CDH20: variants seen among roughly 807,000 people sequenced by gnomAD.
CDH20 encodes cadherin-20.
CDH20 carries 29 observed loss-of-function variants against 74.2 expected under a neutral mutation model. That is an observed-to-expected ratio of 0.39 (90% CI 0.29 to 0.53). The LOEUF (loss-of-function observed/expected upper bound fraction) is 0.53. Among genes scored for constraint, CDH20 ranks in the 20% least tolerant of loss-of-function variants. The pLI is 0.69. For missense variants in CDH20, 988 were observed against 1,048.3 expected (o/e 0.94, Z 0.79); for synonymous variants, 469 against 405.4 (o/e 1.16, Z -1.88).
intron 6 of CDH20, among the ~76,000 whole-genome samples, chr18:61,524,732 C>G (rs975836479): frequency 3.9e-5 from 6 of 152,100 alleles, no homozygotes; most frequent in African/African-American, 1.4e-4. Flanking sequence ...ACCAGCCTGG[C>G]CCACATGGTG....
At chr18:61,398,124 T>C (rs1192515751) in intron 1 of CDH20, among the ~76,000 whole-genome samples, 2 of 152,214 alleles carry the variant, frequency 1.3e-5, no homozygotes, top group African/African-American at 2.4e-5. Context: ...ATCCCTAGCC[T>C]GTGTAGCCAT....
intron 1 of CDH20, among the ~76,000 whole-genome samples, chr18:61,396,668 C>A (rs139923288): frequency 4.6e-4 from 70 of 152,320 alleles, no homozygotes; most frequent in African/African-American, 1.7e-3. Context: ...TGGAAGATAT[C>A]TCCACATGAA....
At chr18:61,502,182 G>C (rs777692053) in intron 4 of CDH20, among the ~76,000 whole-genome samples, 3 of 152,228 alleles carry the variant, frequency 2.0e-5, no homozygotes, top group Non-Finnish European at 2.9e-5. Flanking sequence ...AGGGTTAAAA[G>C]GGAGACAAAA....
intron 1 of CDH20, among the ~76,000 whole-genome samples, chr18:61,334,760 G>C (rs1050492849): frequency 7.9e-5 from 12 of 152,298 alleles, no homozygotes; most frequent in African/African-American, 2.9e-4. Flanking sequence ...CAGGCTGGAA[G>C]TGAGAGGGGA....
chr18:61,430,703 C>T (rs1913224212), intron 1 of CDH20, among the ~76,000 whole-genome samples: 1 of 152,126 alleles, frequency 6.6e-6, no homozygotes, highest in African/African-American at 2.4e-5. Context: ...AATACTATAT[C>T]ATTTATTTTA....
chr18:61,517,621 G>A (rs924308034), intron 6 of CDH20, among the ~76,000 whole-genome samples: 3 of 152,174 alleles, frequency 2.0e-5, no homozygotes, highest in Non-Finnish European at 2.9e-5. Context: ...GGGTGCCTAC[G>A]CCTCCAGGGA....
intron 7 of CDH20, among the ~76,000 whole-genome samples, chr18:61,531,932 C>G (rs976335832): frequency 6.6e-6 from 1 of 152,110 alleles, no homozygotes; most frequent in Admixed American, 6.5e-5. Flanking sequence ...GTGAGTCAAA[C>G]AAACCTCTTT....
At chr18:61,395,919 G>A (rs951261609) in intron 1 of CDH20, among the ~76,000 whole-genome samples, 4 of 152,154 alleles carry the variant, frequency 2.6e-5, no homozygotes, top group Non-Finnish European at 5.9e-5. Context: ...TGTAATCCCA[G>A]CTACTTTTTC....
At chr18:61,491,236 T>TAAAAATA (rs3078185) in intron 2 of CDH20, among the ~76,000 whole-genome samples, 151,896 of 152,264 alleles carry the variant, frequency 1, 75,766 homozygotes, top group Middle Eastern at 1. Flanking sequence ...ATGAAAAAAA[T>TAAAAATA]AAACATTTTT....
intron 1 of CDH20, among the ~76,000 whole-genome samples, chr18:61,454,984 C>T (rs1909523654): frequency 6.6e-6 from 1 of 152,128 alleles, no homozygotes; most frequent in African/African-American, 2.4e-5. Context: ...TACAGGGAAG[C>T]CATTTAAGCC....
chr18:61,457,720 T>A (rs796788904), intron 1 of CDH20, among the ~76,000 whole-genome samples: 22 of 152,260 alleles, frequency 1.4e-4, no homozygotes, highest in Admixed American at 4.6e-4. Flanking sequence ...TTATTTTTTT[T>A]AAATATAAAA....
At chr18:61,372,486 C>T (rs1300338878) in intron 1 of CDH20, among the ~76,000 whole-genome samples, 16 of 152,080 alleles carry the variant, frequency 1.1e-4, no homozygotes, top group Admixed American at 1.0e-3. Flanking sequence ...TATTTAAATT[C>T]TCCCTAGGGA....
At chr18:61,363,946 G>A (rs1026785726) in intron 1 of CDH20, among the ~76,000 whole-genome samples, 3 of 152,106 alleles carry the variant, frequency 2.0e-5, no homozygotes, top group South Asian at 4.1e-4. Flanking sequence ...AAAGAAGAAA[G>A]AAAGGGAAGC....
chr18:61,453,435 G>A (rs1021901238), intron 1 of CDH20, among the ~76,000 whole-genome samples: 3 of 152,026 alleles, frequency 2.0e-5, no homozygotes, highest in African/African-American at 7.2e-5. Flanking sequence ...GTGCCACCGT[G>A]CCCAGCTAAT....
Position 61,342,414 on chromosome 18 carries a change from G to T in CDH20, c.-153+8587G>T, listed in dbSNP as rs147094492. Among the ~76,000 whole-genome samples, 230 of 152,264 alleles carry T rather than the reference G, an allele frequency of 1.5e-3. 1 individual carries two copies. The highest frequency in any genetic ancestry group is 0.01 in the Middle Eastern group (3 of 294). On this transcript the variant is annotated intron_variant, in intron 1 of 11. Transcript: ENST00000262717. ...CAGGATGAAGTGGTCACCACAAGAG[G>T]TTTCAAACACAGGACTCTCTGGCTC...
chr18:61,524,667 C>T (rs1425113529), intron 6 of CDH20, among the ~76,000 whole-genome samples: 1 of 152,214 alleles, frequency 6.6e-6, no homozygotes, highest in African/African-American at 2.4e-5. Context: ...GTAATCCCAG[C>T]ACTTTGGGAG....
intron 1 of CDH20, among the ~76,000 whole-genome samples, chr18:61,406,255 G>C (rs1912326074): frequency 6.6e-6 from 1 of 152,142 alleles, no homozygotes; most frequent in Non-Finnish European, 1.5e-5. Flanking sequence ...GTTAAATACA[G>C]AGACTGCTAA....
At chr18:61,352,658 G>T (rs7233985) in intron 1 of CDH20, among the ~76,000 whole-genome samples, 57,394 of 152,000 alleles carry the variant, frequency 0.38, 12,825 homozygotes, top group Non-Finnish European at 0.49. Context: ...TACCTTAGTT[G>T]CTGGACCACA....
At chr18:61,448,097 C>T (rs1486177617) in intron 1 of CDH20, among the ~76,000 whole-genome samples, 1 of 152,198 alleles carries the variant, frequency 6.6e-6, no homozygotes, top group Non-Finnish European at 1.5e-5. Context: ...CTACCAAATA[C>T]TGACATTGCA....
Sources: gnomAD v4.1 joint callset for allele counts (sites outside exome capture counted in the v4.1 genomes callset) on GRCh38, gnomAD v4.1.1 for gene constraint, MANE v1.5 for transcripts, NCBI Gene and HGNC (gene_info 2026-07-23, HGNC 2026-07-21) for gene names.